Variants in GALNT13 observed in about 807,000 individuals in gnomAD.
The protein encoded by GALNT13 is UDP-GalNAc:polypeptide N-acetylgalactosaminyltransferase 13.
Under a neutral mutation model 64.2 loss-of-function variants are expected in GALNT13, and 28 were observed. The ratio of observed to expected loss-of-function variants is 0.44; its 90% CI spans 0.32 to 0.60. The LOEUF is 0.60. Ranked by LOEUF, GALNT13 falls within the 20% of genes least tolerant of loss-of-function variation. GALNT13 has a pLI of 0.05. For missense variants in GALNT13, 577 were observed against 669.8 expected (o/e 0.86, Z 1.53); for synonymous variants, 214 against 224.6 (o/e 0.95, Z 0.42).
At chr2:153,365,619 T>G in the GALNT13 span, among the ~76,000 whole-genome samples, 2 of 152,198 alleles carry the variant, frequency 1.3e-5, no homozygotes, top group African/African-American at 4.8e-5. Flanking sequence ...AAGACATTCA[T>G]GTGGCCAAAA....
chr2:153,562,060 C>CTCTGTGTGTGTGTGTG, the GALNT13 span, among the ~76,000 whole-genome samples: 723 of 118,864 alleles, frequency 6.1e-3, 5 homozygotes, highest in South Asian at 0.026. Context: ...CTCTCTCTCT[C>CTCTGTGTGTGTGTGTG]TGTGTGTGTG....
At chr2:153,961,398 G>A (rs1295738396) in intron 3 of GALNT13, among the ~76,000 whole-genome samples, 1 of 152,108 alleles carries the variant, frequency 6.6e-6, no homozygotes, top group Non-Finnish European at 1.5e-5. Flanking sequence ...CATATTCTAT[G>A]CAAATACTTA....
the GALNT13 span, among the ~76,000 whole-genome samples, chr2:153,656,466 A>G: frequency 1.3e-5 from 2 of 152,116 alleles, no homozygotes; most frequent in East Asian, 1.9e-4. Flanking sequence ...CTGAGAATAG[A>G]GACTATTTCA....
the GALNT13 span, chr2:153,357,164 C>G: frequency 2.3e-3 from 355 of 152,102 alleles, no homozygotes; most frequent in African/African-American, 8.1e-3. Flanking sequence ...ACTTCTTTTT[C>G]TGTATAGGTA....
At chr2:154,112,377 C>T (rs759613539) in intron 3 of GALNT13, among the ~76,000 whole-genome samples, 10 of 152,160 alleles carry the variant, frequency 6.6e-5, no homozygotes, top group Non-Finnish European at 4.4e-5. Flanking sequence ...GAGTGGTGTC[C>T]ACAGAACGGG....
intron 4 of GALNT13, among the ~76,000 whole-genome samples, chr2:154,238,736 A>G (rs1049414578): frequency 4.6e-5 from 7 of 152,020 alleles, no homozygotes; most frequent in Admixed American, 4.6e-4. Context: ...ACTAAAAGTT[A>G]TATATACTTA....
the GALNT13 span, among the ~76,000 whole-genome samples, chr2:153,362,873 A>T: frequency 1.3e-5 from 2 of 152,096 alleles, no homozygotes; most frequent in East Asian, 1.9e-4. Flanking sequence ...TCAGCTCTGG[A>T]TCAAGTCAAC....
the GALNT13 span, among the ~76,000 whole-genome samples, chr2:153,679,088 C>T: frequency 8.1e-3 from 1,228 of 152,042 alleles, 12 homozygotes; most frequent in African/African-American, 0.028. Flanking sequence ...TGAGTACTAG[C>T]TAGTTTTCAG....
Position 154,155,959 on chromosome 2 carries a change from G to A in GALNT13, c.311+15454G>A, listed in dbSNP as rs190609681. On this transcript the variant is annotated intron_variant, in intron 4 of 12. Transcript: ENST00000392825. ...TATTTTCTACATATATTTATGTATT[G>A]CATAATACATATATATTCGACGTAT... 9.4e-4 allele frequency among the ~76,000 whole-genome samples: 143 copies of A among 151,842 alleles called. 2 individuals are homozygous for A. Among genetic ancestry groups the A allele is most frequent in the Non-Finnish European group, 1.0e-4 (7 of 67,790 alleles).
At chr2:153,372,669 A>G in the GALNT13 span, among the ~76,000 whole-genome samples, 4 of 151,814 alleles carry the variant, frequency 2.6e-5, no homozygotes. Context: ...AAAGAAGGAA[A>G]GAAAGCAGAA....
intron 9 of GALNT13, among the ~76,000 whole-genome samples, chr2:154,352,124 G>A (rs1390306366): frequency 6.6e-6 from 1 of 152,072 alleles, no homozygotes; most frequent in African/African-American, 2.4e-5. Flanking sequence ...TTCATAATAT[G>A]CTACCAAAAA....
At chr2:153,416,818 C>T in the GALNT13 span, among the ~76,000 whole-genome samples, 1 of 152,158 alleles carries the variant, frequency 6.6e-6, no homozygotes, top group Admixed American at 6.5e-5. Flanking sequence ...TGCACTCTTA[C>T]AGAAGGAGAC....
chr2:154,298,519 T>C (rs1237932386), intron 8 of GALNT13, among the ~76,000 whole-genome samples: 2 of 72,926 alleles, frequency 2.7e-5, no homozygotes, highest in African/African-American at 4.1e-5. Flanking sequence ...AATTATATAT[T>C]ATATATAAAA....
chr2:154,417,720 C>G (rs531050887), intron 11 of GALNT13, among the ~76,000 whole-genome samples: 190 of 151,842 alleles, frequency 1.3e-3, no homozygotes, highest in African/African-American at 4.5e-3. Context: ...CCATGTTGGC[C>G]AGGATGGTCT....
intron 2 of GALNT13, among the ~76,000 whole-genome samples, chr2:153,916,273 C>T (rs188777970): frequency 2.0e-5 from 3 of 151,852 alleles, no homozygotes; most frequent in East Asian, 3.9e-4. Flanking sequence ...TTCCCTTCCT[C>T]GGCCTCCTGA....
intron 3 of GALNT13, among the ~76,000 whole-genome samples, chr2:154,108,756 T>C (rs1406535019): frequency 6.6e-6 from 1 of 152,122 alleles, no homozygotes; most frequent in Non-Finnish European, 1.5e-5. Context: ...TTTTAGGGTA[T>C]GAGTTTTGTA....
the GALNT13 span, among the ~76,000 whole-genome samples, chr2:153,107,893 G>A: frequency 6.6e-6 from 1 of 152,068 alleles, no homozygotes; most frequent in Non-Finnish European, 1.5e-5. Flanking sequence ...ATAATTAAGA[G>A]GTAATTGTTT....
the GALNT13 span, among the ~76,000 whole-genome samples, chr2:153,476,902 C>T: frequency 1.3e-5 from 2 of 152,134 alleles, no homozygotes; most frequent in Middle Eastern, 3.2e-3. Context: ...CCGTGGGCAG[C>T]ATCCCAAAGC....
chr2:153,551,608 G>A, the GALNT13 span, among the ~76,000 whole-genome samples: 1 of 152,202 alleles, frequency 6.6e-6, no homozygotes, highest in Non-Finnish European at 1.5e-5. Context: ...ATTGATGAAT[G>A]TTGGATGTGA....
Sources: gnomAD v4.1 joint callset for allele counts (sites outside exome capture counted in the v4.1 genomes callset) on GRCh38, gnomAD v4.1.1 for gene constraint, MANE v1.5 for transcripts, NCBI Gene and HGNC (gene_info 2026-07-23, HGNC 2026-07-21) for gene names.